Variants in SLC35F3 observed in about 807,000 individuals in gnomAD.
SLC35F3 encodes the protein putative thiamine transporter SLC35F3.
SLC35F3 carries 25 observed loss-of-function variants against 49.9 expected under a neutral mutation model. The ratio of observed to expected loss-of-function variants is 0.50; its 90% CI spans 0.37 to 0.70. The LOEUF (loss-of-function observed/expected upper bound fraction) is 0.70, where lower values mean the gene tolerates loss of function less well. Ranked by LOEUF, SLC35F3 falls within the 30% of genes least tolerant of loss-of-function variation. The pLI is 0.00. For synonymous variants in SLC35F3, 275 were observed against 265.4 expected (o/e 1.04, Z -0.35); for missense variants, 525 against 639.8 (o/e 0.82, Z 1.94).
intron 2 of SLC35F3, among the ~76,000 whole-genome samples, chr1:234,208,927 C>T (rs937641004): frequency 1.3e-5 from 2 of 152,204 alleles, no homozygotes; most frequent in African/African-American, 2.4e-5. Context: ...CATCACACAT[C>T]GCTGAGGAGA....
intron 2 of SLC35F3, among the ~76,000 whole-genome samples, chr1:233,982,428 G>A (rs890128362): frequency 1.3e-5 from 2 of 152,038 alleles, no homozygotes; most frequent in Admixed American, 6.6e-5. Context: ...AGGCTGGAGT[G>A]CAATGGCATG....
intron 2 of SLC35F3, among the ~76,000 whole-genome samples, chr1:233,954,066 G>T (rs1284232748): frequency 6.6e-6 from 1 of 151,890 alleles, no homozygotes; most frequent in East Asian, 1.9e-4. Context: ...GAGTGCAGGG[G>T]CACAATCTCG....
At chr1:234,085,449 A>G (rs1286136571) in intron 2 of SLC35F3, among the ~76,000 whole-genome samples, 1 of 152,156 alleles carries the variant, frequency 6.6e-6, no homozygotes, top group African/African-American at 2.4e-5. Context: ...TTTGGAGATA[A>G]GTATTCCCCA....
chr1:234,090,408 A>G (rs1212827406), intron 2 of SLC35F3, among the ~76,000 whole-genome samples: 1 of 152,258 alleles, frequency 6.6e-6, no homozygotes, highest in Admixed American at 6.5e-5. Flanking sequence ...CACTGCAGCA[A>G]CAGGTTTTGC....
At chr1:234,202,593 G>C (rs1295649280) in intron 2 of SLC35F3, among the ~76,000 whole-genome samples, 1 of 152,230 alleles carries the variant, frequency 6.6e-6, no homozygotes, top group Non-Finnish European at 1.5e-5. Context: ...TTGAGGGGCT[G>C]TTTTGCTGTC....
At chr1:234,239,961 A>G (rs967308516) in intron 3 of SLC35F3, among the ~76,000 whole-genome samples, 1 of 152,152 alleles carries the variant, frequency 6.6e-6, no homozygotes, top group East Asian at 1.9e-4. Context: ...TTCTGTGTAG[A>G]TCGTGTTTGA....
intron 2 of SLC35F3, among the ~76,000 whole-genome samples, chr1:233,965,257 C>A (rs1662884260): frequency 6.6e-6 from 1 of 152,154 alleles, no homozygotes; most frequent in South Asian, 2.1e-4. Flanking sequence ...TACACATATT[C>A]TTTGGTACCG....
At chr1:234,233,136 C>A (rs557721893) in intron 3 of SLC35F3, among the ~76,000 whole-genome samples, 1 of 152,220 alleles carries the variant, frequency 6.6e-6, no homozygotes, top group South Asian at 2.1e-4. Context: ...TGAATAGAAG[C>A]CAAAAGCAGA....
intron 2 of SLC35F3, among the ~76,000 whole-genome samples, chr1:233,968,118 C>G (rs1373593069): frequency 6.6e-6 from 1 of 152,286 alleles, no homozygotes; most frequent in East Asian, 1.9e-4. Flanking sequence ...GCCTCTCTCC[C>G]TCTCTCCTAG....
chr1:233,926,967 G>A (rs60250172), intron 2 of SLC35F3, among the ~76,000 whole-genome samples: 1,965 of 152,264 alleles, frequency 0.013, 48 homozygotes, highest in African/African-American at 0.043. Flanking sequence ...ACCAGCGGAG[G>A]CTGCAGAACA....
chr1:234,075,328 T>G (rs1664776396), intron 2 of SLC35F3, among the ~76,000 whole-genome samples: 1 of 152,200 alleles, frequency 6.6e-6, no homozygotes, highest in African/African-American at 2.4e-5. Context: ...TGCCAAGCCC[T>G]TCACCTCATT....
At chr1:234,129,167 C>A (rs923455260) in intron 2 of SLC35F3, among the ~76,000 whole-genome samples, 4 of 152,166 alleles carry the variant, frequency 2.6e-5, no homozygotes, top group African/African-American at 4.8e-5. Flanking sequence ...ACACCTCCAA[C>A]AGGACTTAAA....
chr1:234,004,517 T>G (rs553931196), intron 2 of SLC35F3, among the ~76,000 whole-genome samples: 2 of 151,704 alleles, frequency 1.3e-5, no homozygotes, highest in African/African-American at 2.4e-5. Context: ...ATAAGGGGAG[T>G]GGGATTGGAA....
At chr1:234,055,111 A>T (rs1355431412) in intron 2 of SLC35F3, among the ~76,000 whole-genome samples, 1 of 152,208 alleles carries the variant, frequency 6.6e-6, no homozygotes. Context: ...TTGAGGAGGC[A>T]GTCTGTAGGT....
intron 2 of SLC35F3, among the ~76,000 whole-genome samples, chr1:233,962,264 A>G (rs76859246): frequency 2.7e-3 from 412 of 152,298 alleles, no homozygotes; most frequent in African/African-American, 9.6e-3. Context: ...AGCAGTTTCT[A>G]TTTATCTGTA....
chr1:234,185,025 A>G (rs1302156648), intron 2 of SLC35F3, among the ~76,000 whole-genome samples: 3 of 152,374 alleles, frequency 2.0e-5, no homozygotes, highest in East Asian at 1.9e-4. Context: ...GTCCCTGCGA[A>G]AAAGCAACCC....
chr1:234,144,002 A>G (rs2102904885), intron 2 of SLC35F3, among the ~76,000 whole-genome samples: 1 of 152,308 alleles, frequency 6.6e-6, no homozygotes, highest in East Asian at 1.9e-4. Flanking sequence ...AAGGTAGCCA[A>G]GAGAGCACAA....
chr1:234,161,383 A>G (rs908229396), intron 2 of SLC35F3, among the ~76,000 whole-genome samples: 5 of 151,992 alleles, frequency 3.3e-5, no homozygotes, highest in African/African-American at 9.7e-5. Flanking sequence ...TTGATGCTAC[A>G]CTGCACTTAG....
intron 2 of SLC35F3, among the ~76,000 whole-genome samples, chr1:233,921,021 A>G (rs146197686): frequency 6.6e-6 from 1 of 152,398 alleles, no homozygotes; most frequent in Admixed American, 6.5e-5. Flanking sequence ...CCTGATTCAC[A>G]GAAACTGTGA....
Sources: allele counts gnomAD v4.1 joint callset (sites outside exome capture counted in the v4.1 genomes callset), GRCh38; gene constraint gnomAD v4.1.1; transcripts MANE v1.5; gene names NCBI Gene and HGNC (gene_info 2026-07-23, HGNC 2026-07-21).